Variants in PDE10A observed in about 807,000 individuals in gnomAD.
PDE10A encodes the protein cAMP and cAMP-inhibited cGMP 3',5'-cyclic phosphodiesterase 10A.
In PDE10A, 39 loss-of-function variants were observed where a neutral mutation model predicts 97.7. The ratio of observed to expected loss-of-function variants is 0.40; its 90% CI spans 0.31 to 0.52. PDE10A has a LOEUF of 0.52. PDE10A is among the 20% of genes least tolerant of loss of function. The pLI, the probability that PDE10A is intolerant of heterozygous loss-of-function variation, is 0.56. For synonymous variants in PDE10A, 371 were observed against 376.8 expected (o/e 0.98, Z 0.18); for missense variants, 731 against 1,047.8 (o/e 0.70, Z 4.17).
chr6:165,439,175 A>T (rs1278995015), intron 5 of PDE10A, among the ~76,000 whole-genome samples: 15 of 152,202 alleles, frequency 9.9e-5, no homozygotes, highest in Admixed American at 9.8e-4. Flanking sequence ...CTATTTTCAT[A>T]GAAGGATGAA....
chr6:165,937,790 T>C (rs12194063), intron 1 of PDE10A, among the ~76,000 whole-genome samples: 51,413 of 151,934 alleles, frequency 0.34, 9,341 homozygotes, highest in African/African-American at 0.42. Flanking sequence ...CACACACAGA[T>C]ATTATCCAGT....
intron 1 of PDE10A, among the ~76,000 whole-genome samples, chr6:165,906,742 C>T (rs1189210982): frequency 6.6e-6 from 1 of 152,190 alleles, no homozygotes; most frequent in Admixed American, 6.5e-5. Flanking sequence ...GAAGAGAACA[C>T]TTAAACGCTG....
At chr6:165,451,063 G>A (rs1174128999) in intron 3 of PDE10A, among the ~76,000 whole-genome samples, 2 of 152,148 alleles carry the variant, frequency 1.3e-5, no homozygotes, top group Admixed American at 6.5e-5. Flanking sequence ...GCTGCACTGG[G>A]TGAAACAAGT....
At chr6:165,858,909 T>C (rs545153905) in intron 1 of PDE10A, among the ~76,000 whole-genome samples, 1 of 152,350 alleles carries the variant, frequency 6.6e-6, no homozygotes, top group East Asian at 1.9e-4. Context: ...TACTTTTAAA[T>C]AAAGCACTTC....
chr6:165,579,000 C>T (rs542112054), intron 1 of PDE10A, among the ~76,000 whole-genome samples: 114 of 152,250 alleles, frequency 7.5e-4, no homozygotes, highest in African/African-American at 2.5e-3. Context: ...TTGTAATCCA[C>T]GAACAGACAA....
chr6:165,445,366 T>C (rs16897879), intron 5 of PDE10A, among the ~76,000 whole-genome samples: 4,452 of 152,290 alleles, frequency 0.029, 219 homozygotes, highest in African/African-American at 0.099. Flanking sequence ...ATAAAGGAAC[T>C]GTGGGAGGTA....
intron 2 of PDE10A, among the ~76,000 whole-genome samples, chr6:165,488,968 T>C (rs1238502604): frequency 2.6e-5 from 4 of 152,104 alleles, no homozygotes; most frequent in Admixed American, 1.3e-4. Flanking sequence ...TGCCTCCACC[T>C]GATGGTCTTT....
intron 1 of PDE10A, chr6:165,780,934 C>T (rs1229570827): frequency 6.6e-6 from 1 of 152,212 alleles, no homozygotes; most frequent in Non-Finnish European, 1.5e-5. Context: ...CCACCAAGCC[C>T]ATGATGAAAT....
At chr6:165,890,802 C>T (rs1257567777) in intron 1 of PDE10A, among the ~76,000 whole-genome samples, 2 of 152,168 alleles carry the variant, frequency 1.3e-5, no homozygotes, top group East Asian at 1.9e-4. Flanking sequence ...CTTCTGGAAG[C>T]GAAGAGCTGT....
chr6:165,333,276 G>A (rs1019211810), intron 21 of PDE10A, 149 bp from the exon 22 acceptor site: 13 of 623,724 alleles, frequency 2.1e-5, no homozygotes, highest in Admixed American at 5.2e-5. Context: ...GACGTGGCCA[G>A]GCAGGTTCCT....
Position 165,690,232 on chromosome 6 carries a change from C to T in PDE10A, c.-614-146664G>A, listed in dbSNP as rs1034011701. ...CCCGAACTCCGCTCAGTCAACTCTG[C>T]GGGGACTGTTATTAATTTCCCCATA... On this transcript the variant is annotated intron_variant, in intron 1 of 19. Transcript: ENST00000366882. 8.5e-5 allele frequency among the ~76,000 whole-genome samples: 13 copies of T among 152,284 alleles called. 1 individual carries two copies. Among genetic ancestry groups the T allele is most frequent in the South Asian group, 4.2e-4 (2 of 4,816 alleles).
intron 1 of PDE10A, among the ~76,000 whole-genome samples, chr6:165,707,729 A>G (rs1791753293): frequency 6.6e-6 from 1 of 151,598 alleles, no homozygotes; most frequent in Non-Finnish European, 1.5e-5. Context: ...GTATGAGTGT[A>G]TGTGTGAGTG....
chr6:165,675,543 C>T (rs1790770247), intron 1 of PDE10A, among the ~76,000 whole-genome samples: 1 of 152,128 alleles, frequency 6.6e-6, no homozygotes, highest in Non-Finnish European at 1.5e-5. Context: ...CAAATACTGT[C>T]ATGGTATTTG....
At chr6:165,408,675 C>A (rs1381437071) in intron 13 of PDE10A, among the ~76,000 whole-genome samples, 3 of 152,062 alleles carry the variant, frequency 2.0e-5, no homozygotes, top group Admixed American at 2.0e-4. Flanking sequence ...GACATGTGAA[C>A]TGGTCTTTCT....
At chr6:165,577,750 T>C (rs923051116) in intron 1 of PDE10A, among the ~76,000 whole-genome samples, 4 of 152,072 alleles carry the variant, frequency 2.6e-5, no homozygotes, top group East Asian at 1.9e-4. Context: ...AGGTGGCACA[T>C]GACGGGTGGG....
chr6:165,858,975 C>T (rs1780825024), intron 1 of PDE10A, among the ~76,000 whole-genome samples: 1 of 152,196 alleles, frequency 6.6e-6, no homozygotes, highest in Non-Finnish European at 1.5e-5. Flanking sequence ...CAAACTACAG[C>T]TGATGTTCAT....
Position 165,933,785 on chromosome 6 carries a change from T to C in PDE10A, c.-615+53744A>G, listed in dbSNP as rs1274502500. Among the ~76,000 whole-genome samples, 6 of 152,124 alleles carry C rather than the reference T, an allele frequency of 3.9e-5. No homozygotes were observed. The East Asian group carries it at 1.2e-3, about 29-fold the overall frequency. ...ACACAACAAAAATGTAACACAACATTCTGGAATAAGGAAACATACAGGGAG... is the reference window on the plus strand; with the variant it reads ...ACACAACAAAAATGTAACACAACATCCTGGAATAAGGAAACATACAGGGAG... On this transcript the variant is annotated intron_variant, in intron 1 of 19. Coordinates refer to the PDE10A transcript ENST00000366882.
intron 1 of PDE10A, among the ~76,000 whole-genome samples, chr6:165,907,789 G>A (rs187371208): frequency 1.3e-5 from 2 of 148,486 alleles, no homozygotes; most frequent in East Asian, 1.9e-4. Flanking sequence ...CTGAGGCCGC[G>A]CCCAGAGCAG....
intron 1 of PDE10A, among the ~76,000 whole-genome samples, chr6:165,845,425 A>G (rs1048700720): frequency 6.6e-6 from 1 of 152,264 alleles, no homozygotes; most frequent in Non-Finnish European, 1.5e-5. Flanking sequence ...GGCTGCGTTC[A>G]TGCAATTCTA....
Sources: gnomAD v4.1 joint callset for allele counts (sites outside exome capture counted in the v4.1 genomes callset) on GRCh38, gnomAD v4.1.1 for gene constraint, MANE v1.5 for transcripts, NCBI Gene and HGNC (gene_info 2026-07-23, HGNC 2026-07-21) for gene names.